Variants in PROM1 observed in about 807,000 individuals in gnomAD.
The protein encoded by PROM1 is prominin 1, also known as prominin-1.
PROM1 carries 105 observed loss-of-function variants against 116.9 expected under a neutral mutation model. The observed-to-expected ratio is 0.90, with a 90% CI of 0.77 to 1.06. PROM1 has a LOEUF of 1.06. PROM1 is among the 50% of genes least tolerant of loss of function. The pLI is 0.00. For missense variants in PROM1, 1,122 were observed against 1,045.2 expected (o/e 1.07, Z -1.01); for synonymous variants, 393 against 387.0 (o/e 1.02, Z -0.18).
At chr4:16,047,680 A>AG (rs1425163142) in intron 2 of PROM1, among the ~76,000 whole-genome samples, 2 of 152,184 alleles carry the variant, frequency 1.3e-5, no homozygotes, top group Non-Finnish European at 2.9e-5. Flanking sequence ...CATCTACTAT[A>AG]GCCTGGCCTA....
At chr4:16,001,537 A>C (rs1723845790) in intron 13 of PROM1, among the ~76,000 whole-genome samples, 1 of 152,172 alleles carries the variant, frequency 6.6e-6, no homozygotes, top group African/African-American at 2.4e-5. Context: ...ATGATGAGGC[A>C]GAGAAGTAGG....
intron 8 of PROM1, among the ~76,000 whole-genome samples, chr4:16,019,144 C>T (rs572402765): frequency 1.6e-4 from 25 of 152,294 alleles, no homozygotes; most frequent in African/African-American, 5.5e-4. Context: ...GGGGTTAGAT[C>T]GGCCAGATGA....
chr4:16,009,812 T>C (rs1197597663), intron 11 of PROM1, among the ~76,000 whole-genome samples: 1 of 151,702 alleles, frequency 6.6e-6, no homozygotes, highest in Admixed American at 6.6e-5. Context: ...TGGTGGCGCA[T>C]GCCTGTAACT....
chr4:16,035,085 T>C (rs1407884816), intron 4 of PROM1, among the ~76,000 whole-genome samples: 1 of 152,180 alleles, frequency 6.6e-6, no homozygotes, highest in African/African-American at 2.4e-5. Flanking sequence ...TGGCTGAATC[T>C]TGCTGGGTTC....
chr4:15,977,956 C>T (rs1011675982), intron 26 of PROM1, among the ~76,000 whole-genome samples: 1 of 152,148 alleles, frequency 6.6e-6, no homozygotes, highest in African/African-American at 2.4e-5. Flanking sequence ...TTTGTGCACT[C>T]TTAAAATTCA....
chr4:16,076,959 G>A (rs993572492), intron 1 of PROM1, among the ~76,000 whole-genome samples: 1 of 152,108 alleles, frequency 6.6e-6, no homozygotes. Context: ...GCGGAAGGCC[G>A]GAAGACCGCA....
At chr4:16,073,840 T>G (rs866599200) in intron 2 of PROM1, among the ~76,000 whole-genome samples, 2 of 151,944 alleles carry the variant, frequency 1.3e-5, no homozygotes, top group Non-Finnish European at 2.9e-5. Flanking sequence ...TCGAACTTGA[T>G]CACCAGAATG....
chr4:16,013,233 T>C, intron 11 of PROM1, 42 bp downstream of exon 11: 1 of 1,507,612 alleles, frequency 6.6e-7, no homozygotes, highest in Non-Finnish European at 9.2e-7. Context: ...TTCTCTGTAC[T>C]GACCTACCAA....
At chr4:16,004,832 T>TTCTTTCTTTTTTCTTCCTTC (rs1203366908) in intron 13 of PROM1, among the ~76,000 whole-genome samples, 179 of 122,576 alleles carry the variant, frequency 1.5e-3, no homozygotes, top group East Asian at 0.014. Flanking sequence ...TCTTTCTTTT[T>TTCTTTCTTTTTTCTTCCTTC]CTTCCTTCCT....
chr4:15,975,053 G>T (rs575779819), intron 26 of PROM1, among the ~76,000 whole-genome samples: 1 of 152,238 alleles, frequency 6.6e-6, no homozygotes, highest in South Asian at 2.1e-4. Context: ...GTTATCTTCT[G>T]AATCACCTTT....
chr4:15,999,146 G>A (rs977919492), intron 14 of PROM1, among the ~76,000 whole-genome samples: 2 of 152,190 alleles, frequency 1.3e-5, no homozygotes, highest in East Asian at 1.9e-4. Context: ...CCAGTGCTGC[G>A]CTATTTCTCT....
intron 15 of PROM1, among the ~76,000 whole-genome samples, chr4:15,996,554 TGACACA>T (rs1722378807): frequency 1.3e-5 from 2 of 152,054 alleles, no homozygotes; most frequent in Admixed American, 1.3e-4. Flanking sequence ...TACTTAGTAA[TGACACA>T]GCTACATTTG....
intron 9 of PROM1, 66 bp from the exon 10 acceptor site, chr4:16,016,306 AG>A (rs1222242281): frequency 1.5e-6 from 2 of 1,302,368 alleles, no homozygotes; most frequent in East Asian, 5.0e-5. Flanking sequence ...TCATGAAGAA[AG>A]AAGTCATTGT....
intron 19 of PROM1, 63 bp from the exon 20 acceptor site, chr4:15,987,779 T>C (rs1224572233): frequency 7.4e-7 from 1 of 1,358,892 alleles, no homozygotes; most frequent in Non-Finnish European, 1.0e-6. Flanking sequence ...ACATACCTTG[T>C]GTCCTCCCTT....
intron 2 of PROM1, among the ~76,000 whole-genome samples, chr4:16,067,372 A>C (rs1414762056): frequency 2.6e-5 from 4 of 152,214 alleles, no homozygotes. Context: ...TGCCTCTGCC[A>C]CTGACCAGCT....
In PROM1 at chr4:16,026,618, C is replaced by G. The variant is rs2149350477; in HGVS notation, c.510-1306G>C. Among the ~76,000 whole-genome samples the G allele has an allele frequency of 2.0e-5, 3 of 152,196 alleles. 1 individual carries two copies. The Middle Eastern group carries it at 0.01, about 518-fold the overall frequency. Reference sequence around the variant, plus strand: ...TGACTAAACATCCCATTTTTTGTACCTAAAATCCCATGTCCCATTTCTCCA... The same window carrying G: ...TGACTAAACATCCCATTTTTTGTACGTAAAATCCCATGTCCCATTTCTCCA... On this transcript the variant is annotated intron_variant, in intron 5 of 27. Transcript: ENST00000447510.
At chr4:16,037,563 C>T (rs1363130196) in intron 3 of PROM1, among the ~76,000 whole-genome samples, 1 of 152,146 alleles carries the variant, frequency 6.6e-6, no homozygotes, top group African/African-American at 2.4e-5. Flanking sequence ...TGCCTTCTCC[C>T]ATGCCGGAAA....
At chr4:16,019,365 A>C (rs1286116686) in intron 8 of PROM1, among the ~76,000 whole-genome samples, 1 of 152,234 alleles carries the variant, frequency 6.6e-6, no homozygotes, top group Admixed American at 6.5e-5. Context: ...GTGGTAGGGT[A>C]CTCTCTTGCA....
At chr4:16,040,593 A>G (rs1242720298) in intron 2 of PROM1, among the ~76,000 whole-genome samples, 10 of 152,370 alleles carry the variant, frequency 6.6e-5, no homozygotes, top group Non-Finnish European at 4.4e-5. Context: ...GCAACGAGTT[A>G]GAAGGGAATC....
Sources: gnomAD v4.1 joint callset for allele counts (sites outside exome capture counted in the v4.1 genomes callset) on GRCh38, gnomAD v4.1.1 for gene constraint, MANE v1.5 for transcripts, NCBI Gene and HGNC (gene_info 2026-07-23, HGNC 2026-07-21) for gene names.